The following MDFIC2 variants were observed in gnomAD, a reference collection of about 807,000 sequenced individuals.
MDFIC2 encodes myoD family inhibitor domain-containing protein 2.
intron 2 of MDFIC2, among the ~76,000 whole-genome samples, chr3:70,218,883 C>A (rs1017702405): frequency 6.6e-6 from 1 of 152,026 alleles, no homozygotes; most frequent in African/African-American, 2.4e-5. Context: ...TTGAGGTGAA[C>A]TATTCTGAAT....
intron 2 of MDFIC2, among the ~76,000 whole-genome samples, chr3:70,289,325 G>C (rs1358394573): frequency 1.3e-5 from 2 of 151,416 alleles, no homozygotes; most frequent in Non-Finnish European, 2.9e-5. Context: ...ATGAAGCTTA[G>C]TTTGGCTGGA....
intron 3 of MDFIC2, among the ~76,000 whole-genome samples, chr3:70,201,009 A>G (rs1270366199): frequency 6.7e-6 from 1 of 148,744 alleles, no homozygotes; most frequent in Admixed American, 6.7e-5. Flanking sequence ...TATATTTAGA[A>G]CCTTTGTTTT....
chr3:70,202,562 A>C (rs887173798), intron 3 of MDFIC2, among the ~76,000 whole-genome samples: 2 of 152,128 alleles, frequency 1.3e-5, no homozygotes, highest in Non-Finnish European at 2.9e-5. Context: ...GGCTCTAATC[A>C]CTGCTATTGA....
intron 2 of MDFIC2, among the ~76,000 whole-genome samples, chr3:70,302,984 C>G (rs1702365326): frequency 6.6e-6 from 1 of 152,132 alleles, no homozygotes; most frequent in South Asian, 2.1e-4. Flanking sequence ...AAGATCTCAT[C>G]TTTTGCTGAA....
intron 2 of MDFIC2, among the ~76,000 whole-genome samples, chr3:70,230,490 G>A (rs1025624690): frequency 6.5e-5 from 5 of 76,424 alleles, no homozygotes; most frequent in Non-Finnish European, 9.2e-5. Context: ...AGACAAATTC[G>A]AGATGAATCA....
intron 2 of MDFIC2, among the ~76,000 whole-genome samples, chr3:70,223,479 T>C (rs748372652): frequency 2.0e-5 from 3 of 152,166 alleles, no homozygotes; most frequent in Non-Finnish European, 4.4e-5. Flanking sequence ...ATTTTTTCCT[T>C]CCTGAGCAAA....
At chr3:70,257,735 TGCC>T (rs1404354921) in intron 2 of MDFIC2, among the ~76,000 whole-genome samples, 3 of 152,190 alleles carry the variant, frequency 2.0e-5, no homozygotes, top group Non-Finnish European at 4.4e-5. Flanking sequence ...GACAATCCTC[TGCC>T]AAATGACTTA....
At chr3:70,286,074 T>C (rs973091984) in intron 2 of MDFIC2, among the ~76,000 whole-genome samples, 6 of 152,204 alleles carry the variant, frequency 3.9e-5, no homozygotes, top group African/African-American at 1.4e-4. Context: ...GAGATCCCAT[T>C]TGTCAATTTT....
chr3:70,276,132 T>C (rs1702023401), intron 2 of MDFIC2, among the ~76,000 whole-genome samples: 1 of 152,080 alleles, frequency 6.6e-6, no homozygotes, highest in Admixed American at 6.6e-5. Context: ...GTTTTGCCAG[T>C]TTTTTTCCTG....
intron 2 of MDFIC2, among the ~76,000 whole-genome samples, chr3:70,250,918 T>G (rs1701759295): frequency 6.6e-6 from 1 of 152,122 alleles, no homozygotes; most frequent in African/African-American, 2.4e-5. Context: ...AAAAAAATGG[T>G]CTCCAATAAA....
chr3:70,232,858 A>G (rs1701573741), intron 2 of MDFIC2, among the ~76,000 whole-genome samples: 2 of 152,120 alleles, frequency 1.3e-5, no homozygotes, highest in African/African-American at 4.8e-5. Flanking sequence ...AAGGAAAAAA[A>G]TCTTGCCATT....
At chr3:70,258,376 T>C (rs549054869) in intron 2 of MDFIC2, among the ~76,000 whole-genome samples, 1 of 152,136 alleles carries the variant, frequency 6.6e-6, no homozygotes, top group East Asian at 1.9e-4. Context: ...ATATTTACAG[T>C]TCATTTATTG....
At chr3:70,219,048 G>C (rs959537869) in intron 2 of MDFIC2, among the ~76,000 whole-genome samples, 1 of 152,022 alleles carries the variant, frequency 6.6e-6, no homozygotes, top group Non-Finnish European at 1.5e-5. Context: ...TTTTAGTAAA[G>C]GCAGGTTTAA....
At chr3:70,235,045 C>T (rs1701594250) in intron 2 of MDFIC2, among the ~76,000 whole-genome samples, 1 of 152,188 alleles carries the variant, frequency 6.6e-6, no homozygotes, top group Admixed American at 6.5e-5. Context: ...GAGATTTTAT[C>T]AGTACGGTTT....
intron 2 of MDFIC2, among the ~76,000 whole-genome samples, chr3:70,277,804 AC>A (rs763822023): frequency 3.9e-5 from 6 of 152,050 alleles, no homozygotes; most frequent in African/African-American, 7.2e-5. Flanking sequence ...CATTTTTTAT[AC>A]AAATGGTTGT....
intron 2 of MDFIC2, among the ~76,000 whole-genome samples, chr3:70,214,073 T>C (rs1701379299): frequency 6.6e-6 from 1 of 152,094 alleles, no homozygotes; most frequent in Non-Finnish European, 1.5e-5. Context: ...CTTCTAAAAT[T>C]TCCTCACCTT....
At chr3:70,308,836 G>A (rs13326146) in intron 2 of MDFIC2, among the ~76,000 whole-genome samples, 2,015 of 152,164 alleles carry the variant, frequency 0.013, 30 homozygotes, top group African/African-American at 0.045. Context: ...TTGCTTGCAT[G>A]TTCACTCTGA....
intron 2 of MDFIC2, among the ~76,000 whole-genome samples, chr3:70,228,908 C>G (rs1182069380): frequency 6.6e-6 from 1 of 152,022 alleles, no homozygotes; most frequent in African/African-American, 2.4e-5. Context: ...AGAAACTCAG[C>G]TAAAAGGTGT....
chr3:70,276,584 C>T (rs1378635555), intron 2 of MDFIC2, among the ~76,000 whole-genome samples: 1 of 152,100 alleles, frequency 6.6e-6, no homozygotes, highest in Non-Finnish European at 1.5e-5. Flanking sequence ...TAGACACCTA[C>T]CTGAGGATAC....
Sources: gnomAD v4.1 joint callset for allele counts (sites outside exome capture counted in the v4.1 genomes callset) on GRCh38, gnomAD v4.1.1 for gene constraint, MANE v1.5 for transcripts, NCBI Gene and HGNC (gene_info 2026-07-23, HGNC 2026-07-21) for gene names.